Variants in MCM2 observed in about 807,000 individuals in gnomAD.
MCM2 encodes DNA replication licensing factor MCM2.
MCM2 carries 49 observed loss-of-function variants against 86.4 expected under a neutral mutation model. The observed-to-expected ratio is 0.57, with a 90% confidence interval of 0.45 to 0.72. The LOEUF (loss-of-function observed/expected upper bound fraction) is 0.72, where lower values mean the gene tolerates loss of function less well. Among genes scored for constraint, MCM2 ranks in the 30% least tolerant of loss-of-function variants. The pLI, the probability that MCM2 is intolerant of heterozygous loss-of-function variation, is 0.00. For synonymous variants in MCM2, 475 were observed against 484.6 expected (o/e 0.98, Z 0.26); for missense variants, 1,038 against 1,259.9 (o/e 0.82, Z 2.67).
rs1387491072 is a variant in MCM2 at position 127,604,252 on chromosome 3, T to C, written c.237-356T>C. 4 of 212,622 alleles carry C rather than the reference T, an allele frequency of 1.9e-5. No homozygotes were observed. The East Asian group carries it at 4.1e-4, about 22-fold the overall frequency. The allele number at this position is 212,622 out of a possible 1,614,324, so 13.2% of individuals were successfully genotyped here. A position where few individuals can be genotyped will look rare whatever the true frequency, so the allele number is the denominator to read the frequency against. ...TCTTCCCAGCACCTAGCAACCATCA[T>C]TTTACTTTCTGTTTCTGTGAATTTG... On this transcript the variant is annotated intron_variant, in intron 2 of 15. Transcript: ENST00000265056.
At chr3:127,603,511 G>T (rs1047694668) in intron 2 of MCM2, among the ~76,000 whole-genome samples, 1 of 151,964 alleles carries the variant, frequency 6.6e-6, no homozygotes, top group African/African-American at 2.4e-5. Flanking sequence ...TTTGAGACAG[G>T]GTCTTACTCT....
At chr3:127,620,122 A>G (rs2074465351) in intron 13 of MCM2, among the ~76,000 whole-genome samples, 2 of 152,170 alleles carry the variant, frequency 1.3e-5, no homozygotes. Context: ...TAAGTTCCAT[A>G]TTGACTTTGT....
rs771849367 is a variant in MCM2 at position 127,598,424 on chromosome 3, A to G, written c.-43A>G. ...TCACGTGAACCACTTTTCGCGCGAA[A>G]CCTGGTTGTTGCTGTAGTGGCGGAG... is the stretch of plus-strand genomic sequence containing the variant. On this transcript the variant is annotated 5_prime_UTR_variant, in exon 1 of 16. Transcript: ENST00000265056. 16 of 1,613,072 alleles carry G rather than the reference A, an allele frequency of 9.9e-6. No individual in the cohort carries two copies. In the East Asian group the frequency reaches 3.6e-4, roughly 36 times the overall value.
In MCM2 at chr3:127,608,291, G is replaced by A. The variant is rs529627135; in HGVS notation, c.1102-91G>A. The A allele has an allele frequency of 1.8e-4, 279 of 1,525,694 alleles. 1 individual carries two copies. The East Asian group carries it at 2.4e-3, about 13-fold the overall frequency. The allele number at this position is 1,525,694 out of a possible 1,614,324, so 94.5% of individuals were successfully genotyped here. Reference sequence around the variant, plus strand: ...GCTCTCCATTTGCCACTCAGGAGTCGGAATCCTGCCTGTTCTCCCTCCTGT... The same window carrying A: ...GCTCTCCATTTGCCACTCAGGAGTCAGAATCCTGCCTGTTCTCCCTCCTGT... On this transcript the variant is annotated intron_variant, in intron 6 of 15. Transcript: ENST00000265056.
At chr3:127,619,974 A>C (rs2074464302) in intron 13 of MCM2, among the ~76,000 whole-genome samples, 1 of 152,034 alleles carries the variant, frequency 6.6e-6, no homozygotes, top group Non-Finnish European at 1.5e-5. Flanking sequence ...ACACAGTGAA[A>C]CCCTGTTTCA....
intron 8 of MCM2, among the ~76,000 whole-genome samples, chr3:127,614,360 C>T (rs991291498): frequency 5.3e-5 from 8 of 152,304 alleles, no homozygotes; most frequent in Middle Eastern, 3.4e-3. Flanking sequence ...TCACATTTCC[C>T]TGATTATCTT....
chr3:127,611,689 T>A, intron 8 of MCM2, among the ~76,000 whole-genome samples: 3 of 103,066 alleles, frequency 2.9e-5, no homozygotes, highest in African/African-American at 1.3e-4. Flanking sequence ...TGACTTTTTT[T>A]TTTTTTTTTT....
intron 2 of MCM2, among the ~76,000 whole-genome samples, chr3:127,600,385 T>C (rs1322376038): frequency 6.6e-6 from 1 of 152,224 alleles, no homozygotes; most frequent in East Asian, 1.9e-4. Context: ...TACTCTGCAT[T>C]TCCAGCTGCG....
rs1003486421 is a variant in MCM2 at position 127,606,590 on chromosome 3, T to G, written c.894-20T>G. ...CCTCACCCTGGCTCACGGCTTCTGA[T>G]GCACCCTCTGCCTCCGCAGGCAGCT... On this transcript the variant is annotated intron_variant, in intron 5 of 15. Transcript: ENST00000265056. This position sits in a 1 kb window ranked among gnomAD's most constrained non-coding sequence, Gnocchi z 4.2. 3 of 1,610,174 alleles carry G rather than the reference T, an allele frequency of 1.9e-6. No individual in the cohort carries two copies. The highest frequency in any genetic ancestry group is 1.7e-6 in the Non-Finnish European group (2 of 1,176,944).
chr3:127,608,359 G>A (rs201213869), intron 6 of MCM2, 23 bp from the exon 7 acceptor site: 2 of 1,612,454 alleles, frequency 1.2e-6, no homozygotes, highest in South Asian at 2.2e-5. Flanking sequence ...AGTGATTTGA[G>A]GCCTTCTGTG....
At position 127,609,336 on chromosome 3, in the gene MCM2, T is replaced by C. The variant is rs17538530; in HGVS notation, c.1428+313T>C. On this transcript the variant is annotated intron_variant, in intron 8 of 15. Transcript: ENST00000265056. ...GTTGCGACGAGAAGAGCTCTTCCTT[T>C]AGCAGATCATTTCAAGCTGTGGTTT... is the stretch of plus-strand genomic sequence containing the variant. 2.2e-4 allele frequency among the ~76,000 whole-genome samples: 34 copies of C among 152,292 alleles called. No individual in the cohort carries two copies. In the South Asian group the frequency reaches 5.6e-3, roughly 25 times the overall value.
intron 9 of MCM2, among the ~76,000 whole-genome samples, chr3:127,616,420 C>T (rs1033027107): frequency 6.6e-6 from 1 of 152,170 alleles, no homozygotes; most frequent in Non-Finnish European, 1.5e-5. Flanking sequence ...CATGACTACA[C>T]GTGTTTATTT....
chr3:127,620,972 A>G, intron 14 of MCM2, 92 bp downstream of exon 14: 3 of 1,572,024 alleles, frequency 1.9e-6, no homozygotes, highest in Middle Eastern at 3.7e-4. Context: ...ACGTGCACCC[A>G]GGAGCGGCAG....
At chr3:127,601,525 A>C (rs1055481307) in intron 2 of MCM2, among the ~76,000 whole-genome samples, 3 of 151,888 alleles carry the variant, frequency 2.0e-5, no homozygotes, top group Non-Finnish European at 4.4e-5. Flanking sequence ...CACACCGGCT[A>C]ATTTTTCTAT....
intron 2 of MCM2, among the ~76,000 whole-genome samples, 173 bp downstream of exon 2, chr3:127,599,720 C>T (rs2074292896): frequency 6.6e-6 from 1 of 152,166 alleles, no homozygotes; most frequent in Admixed American, 6.5e-5. Flanking sequence ...TGACACAGGT[C>T]TCTTTAACTT....
chr3:127,604,538 C>A, intron 2 of MCM2, 70 bp from the exon 3 acceptor site: 1 of 1,527,590 alleles, frequency 6.5e-7, no homozygotes, highest in Non-Finnish European at 8.9e-7. Context: ...AGGCCCAGTT[C>A]CTGGATGGGG....
At chr3:127,600,283 AAAAT>A (rs889794778) in intron 2 of MCM2, among the ~76,000 whole-genome samples, 13 of 152,260 alleles carry the variant, frequency 8.5e-5, no homozygotes, top group Admixed American at 4.6e-4. Context: ...CTCTGTTTCA[AAAAT>A]AAATAAATAA....
chr3:127,604,807 C>G lies in MCM2; in HGVS notation c.412+24C>G, dbSNP rs374506908. 4 of 1,573,722 alleles carry G rather than the reference C, an allele frequency of 2.5e-6. No homozygotes were observed. In the African/African-American group the frequency reaches 4.1e-5, roughly 16 times the overall value. On this transcript the variant is annotated intron_variant, in intron 3 of 15. Coordinates refer to ENST00000265056, the MANE Select transcript of MCM2 (RefSeq NM_004526.4). ...TGGTAGGTCCAGTTGTCTGCCTGCC[C>G]GAGGGACTGGGAAGCTGGGAAGGAG... is the stretch of plus-strand genomic sequence containing the variant.
intron 2 of MCM2, 23 bp downstream of exon 2, chr3:127,599,570 A>G (rs774376718): frequency 2.5e-6 from 4 of 1,594,044 alleles, no homozygotes; most frequent in South Asian, 2.2e-5. Context: ...AAGGCCCTGG[A>G]CTCAGCAGAT....
Sources: gnomAD v4.1 joint callset for allele counts (sites outside exome capture counted in the v4.1 genomes callset) on GRCh38, gnomAD v4.1.1 for gene constraint, Gnocchi (gnomAD v3.1) non-coding constraint, MANE v1.5 for transcripts, NCBI Gene and HGNC (gene_info 2026-07-23, HGNC 2026-07-21) for gene names.